The following UNC80 variants were observed in gnomAD, a reference collection of about 807,000 sequenced individuals.
The protein encoded by UNC80 is protein unc-80 homolog.
In UNC80, 164 loss-of-function variants were observed where a neutral mutation model predicts 384.6. The ratio of observed to expected loss-of-function variants is 0.43; its 90% CI spans 0.38 to 0.49. The LOEUF (loss-of-function observed/expected upper bound fraction) is 0.49. Among genes scored for constraint, UNC80 ranks in the 20% least tolerant of loss-of-function variants. The pLI, the probability that UNC80 is intolerant of heterozygous loss-of-function variation, is 0.00. For synonymous variants in UNC80, 1,486 were observed against 1,527.8 expected (o/e 0.97, Z 0.64); for missense variants, 3,330 against 4,143.0 (o/e 0.80, Z 5.39).
chr2:209,828,915 T>C (rs887117821), intron 14 of UNC80, among the ~76,000 whole-genome samples: 12 of 151,712 alleles, frequency 7.9e-5, no homozygotes, highest in African/African-American at 2.9e-4. Context: ...AATTTCAAAC[T>C]TTTTTTTTCA....
At position 209,888,117 on chromosome 2, in the gene UNC80, G is replaced by A. The variant is rs1020584757; in HGVS notation, c.4133G>A (p.Arg1378His). ...TAGGACTTGGAGAGCTGCAGACTTCGTTTGGATCCCGAGTTGGACCGGCAC... is the reference window on the plus strand; with the variant it reads ...TAGGACTTGGAGAGCTGCAGACTTCATTTGGATCCCGAGTTGGACCGGCAC... Reference protein sequence around the residue: ...PLVDLESCRLRLDPELDRHRY... With the variant: ...PLVDLESCRLHLDPELDRHRY... The change falls in exon 26 of 65, where the codon CGT (arginine) becomes CAT (histidine). Residue 1378 changes from arginine (R) to histidine (H), a missense_variant. By Grantham distance (29) the Arg-to-His change is conservative. Transcript: ENST00000673920. 6 of 1,551,538 alleles carry A rather than the reference G, an allele frequency of 3.9e-6. No homozygotes were observed. In the African/African-American group the frequency reaches 8.2e-5, roughly 21 times the overall value.
chr2:209,825,014 A>C (rs913886581), intron 13 of UNC80, among the ~76,000 whole-genome samples: 1 of 152,166 alleles, frequency 6.6e-6, no homozygotes, highest in Non-Finnish European at 1.5e-5. Flanking sequence ...ACAAAAACAC[A>C]AAGAGATTAG....
chr2:209,795,511 G>A (rs2078098510), intron 7 of UNC80: 1 of 152,124 alleles, frequency 6.6e-6, no homozygotes, highest in African/African-American at 2.4e-5. Flanking sequence ...TGGGGAAAAT[G>A]TCTCCAAGCC....
rs369077089 is a variant in UNC80 at position 209,820,411 on chromosome 2, T to C, written c.2063T>C (p.Val688Ala). 11 of 1,551,782 alleles carry C rather than the reference T, an allele frequency of 7.1e-6. No individual in the cohort carries two copies. The African/African-American group carries it at 1.5e-4, about 21-fold the overall frequency. The change falls in exon 13 of 65, where the codon GTG becomes GCG. Residue 688 changes from valine (V) to alanine (A), a missense_variant. Coordinates refer to ENST00000673920, the MANE Select transcript of UNC80 (RefSeq NM_001371986.1). ...GTGGAATGCTTGCTTCAACTTGGTG[T>C]GGTGCCCTGTGTAGAAAAGAATAGA... The part of the protein sequence containing the change: ...NIVECLLQLG[V>A]VPCVEKNRKK...
At position 209,984,838 on chromosome 2, in the gene UNC80, TC is replaced by T. The variant is rs1352510138; in HGVS notation, c.9258-15del. ...ATTTTCTTTCCCTAAATGCTTCATC[TC>T]CCTACCCCTCCTGCAGTGAACCTAA... On this transcript the variant is annotated splice_polypyrimidine_tract_variant and intron_variant, in intron 60 of 64. Coordinates refer to ENST00000673920, the MANE Select transcript of UNC80 (RefSeq NM_001371986.1). 6.5e-7 allele frequency: 1 copy of T among 1,528,526 alleles called. No homozygotes were observed. The highest frequency in any genetic ancestry group is 8.8e-7 in the Non-Finnish European group (1 of 1,138,948). 94.7% of individuals were successfully genotyped at this position (1,528,526 alleles called of 1,614,324 possible).
At position 209,973,234 on chromosome 2, in the gene UNC80, G is replaced by A. The variant is rs1295166886; in HGVS notation, c.8551G>A (p.Gly2851Arg). 1 of 1,551,682 alleles carries A rather than the reference G, an allele frequency of 6.4e-7. No individual in the cohort carries two copies. The highest frequency in any genetic ancestry group is 1.2e-5 in the South Asian group (1 of 84,058). Residue 2851 changes from glycine to arginine, a missense_variant, in exon 56 of 65, where the codon GGG becomes AGG. Around this residue, in one of 8 missense-constraint regions of UNC80, gnomAD observed 1,049 missense variants for 1,488.6 expected, o/e 0.70. Transcript: ENST00000673920. Reference protein sequence around the residue: ...GDAGKDLRREGLAESTSQAAY... With the variant: ...GDAGKDLRRERLAESTSQAAY... ...TGCGGGGAAAGACTTGCGCAGGGAA[G>A]GGCTGGCTGAGTCCACCAGCCAAGC...
Position 209,884,676 on chromosome 2 carries a change from A to G in UNC80, c.4111-3419A>G, listed in dbSNP as rs1392996380. The stretch of plus-strand genomic sequence containing the variant: ...TACCCATCAATAATAGACTGGATAA[A>G]GAAAATGTTGTACATATACACCATG... On this transcript the variant is annotated intron_variant, in intron 25 of 64. Coordinates refer to ENST00000673920, the MANE Select transcript of UNC80 (RefSeq NM_001371986.1). Among the ~76,000 whole-genome samples the G allele has an allele frequency of 7.2e-5, 11 of 152,370 alleles. No individual in the cohort carries two copies. In the East Asian group the frequency reaches 2.1e-3, roughly 29 times the overall value.
At chr2:209,934,567 A>C (rs1289807510) in intron 39 of UNC80, among the ~76,000 whole-genome samples, 1 of 152,230 alleles carries the variant, frequency 6.6e-6, no homozygotes, top group East Asian at 1.9e-4. Flanking sequence ...AAAATTTGAG[A>C]TGATACATGT....
intron 7 of UNC80, among the ~76,000 whole-genome samples, chr2:209,798,436 GT>G (rs542785177): frequency 5.9e-5 from 9 of 152,186 alleles, no homozygotes; most frequent in African/African-American, 2.2e-4. Context: ...CCCATTGCTT[GT>G]TTTTGTCAGG....
intron 61 of UNC80, among the ~76,000 whole-genome samples, chr2:209,989,372 T>G (rs1032719659): frequency 1.3e-5 from 2 of 151,924 alleles, no homozygotes; most frequent in Non-Finnish European, 2.9e-5. Flanking sequence ...TGGACAATTA[T>G]AAGAAGTTGT....
At chr2:209,929,264 G>T (rs371669269) in intron 36 of UNC80, among the ~76,000 whole-genome samples, 2 of 151,966 alleles carry the variant, frequency 1.3e-5, no homozygotes, top group African/African-American at 2.4e-5. Flanking sequence ...TCTTAGTCTG[G>T]GTACTTCTAG....
intron 22 of UNC80, among the ~76,000 whole-genome samples, chr2:209,860,954 T>C (rs1574782519): frequency 1.3e-5 from 2 of 152,144 alleles, no homozygotes; most frequent in African/African-American, 4.8e-5. Context: ...TGGTGCTGAG[T>C]TGATGGTGTT....
intron 20 of UNC80, among the ~76,000 whole-genome samples, chr2:209,841,681 A>G (rs2081765335): frequency 1.3e-5 from 2 of 152,110 alleles, no homozygotes. Flanking sequence ...GTCTGTTTTA[A>G]AAGTGATATT....
intron 22 of UNC80, among the ~76,000 whole-genome samples, chr2:209,861,329 G>C (rs1192886531): frequency 1.3e-5 from 2 of 152,204 alleles, no homozygotes; most frequent in Admixed American, 1.3e-4. Flanking sequence ...CTTTGGTTCT[G>C]TTTATGTGAT....
At chr2:209,857,867 C>T (rs994203368) in intron 22 of UNC80, among the ~76,000 whole-genome samples, 4 of 152,028 alleles carry the variant, frequency 2.6e-5, no homozygotes, top group African/African-American at 9.7e-5. Flanking sequence ...TGTTAGAAAT[C>T]AATTTGTGTT....
intron 11 of UNC80, 31 bp downstream of exon 11, chr2:209,817,983 G>A: frequency 1.3e-6 from 2 of 1,549,258 alleles, no homozygotes; most frequent in Middle Eastern, 3.4e-4. Context: ...ACGGGCAGGA[G>A]TTCAGAGTTC....
chr2:209,834,722 A>T (rs2081225144), intron 17 of UNC80, among the ~76,000 whole-genome samples, 190 bp from the exon 18 acceptor site: 1 of 152,240 alleles, frequency 6.6e-6, no homozygotes, highest in South Asian at 2.1e-4. Flanking sequence ...TGATATTGTG[A>T]AGCAAAAAGG....
At chr2:209,941,585 G>A (rs2091636052) in intron 44 of UNC80, 96 bp downstream of exon 44, 2 of 1,280,272 alleles carry the variant, frequency 1.6e-6, no homozygotes, top group African/African-American at 1.5e-5. Flanking sequence ...TTTAATGATG[G>A]TGTTATCATC....
chr2:209,892,309 G>C (rs949861116), intron 26 of UNC80, among the ~76,000 whole-genome samples: 2 of 152,066 alleles, frequency 1.3e-5, no homozygotes, highest in Non-Finnish European at 2.9e-5. Flanking sequence ...GGCCAAAGAT[G>C]TTTTATCCAA....
Sources: gnomAD v4.1 joint callset for allele counts (sites outside exome capture counted in the v4.1 genomes callset) on GRCh38, gnomAD v4.1.1 for gene constraint, gnomAD v4.1.1 regional missense constraint, MANE v1.5 for transcripts, NCBI Gene and HGNC (gene_info 2026-07-23, HGNC 2026-07-21) for gene names.